HIP1: variants seen among roughly 807,000 people sequenced by gnomAD.
HIP1 encodes huntingtin-interacting protein 1.
Under a neutral mutation model 147.6 loss-of-function variants are expected in HIP1, and 65 were observed. That is an observed-to-expected ratio of 0.44 (90% CI 0.36 to 0.54). HIP1 has a LOEUF of 0.54. Ranked by LOEUF, HIP1 falls within the 20% of genes least tolerant of loss-of-function variation. HIP1 has a pLI of 0.00. For synonymous variants in HIP1, 479 were observed against 504.0 expected (o/e 0.95, Z 0.67); for missense variants, 1,061 against 1,299.6 (o/e 0.82, Z 2.82).
At chr7:75,647,892 T>C (rs1408603256) in intron 1 of HIP1, among the ~76,000 whole-genome samples, 1 of 152,200 alleles carries the variant, frequency 6.6e-6, no homozygotes, top group Non-Finnish European at 1.5e-5. Flanking sequence ...GTGTGAGGCG[T>C]GGTGTGAACC....
intron 1 of HIP1, among the ~76,000 whole-genome samples, chr7:75,677,460 GC>G (rs1488772402): frequency 6.6e-6 from 1 of 151,090 alleles, no homozygotes; most frequent in Non-Finnish European, 1.5e-5. Flanking sequence ...ACAAAAATTA[GC>G]TGGGCGTGGT....
At chr7:75,602,882 A>C (rs1030330157) in intron 1 of HIP1, among the ~76,000 whole-genome samples, 3 of 148,794 alleles carry the variant, frequency 2.0e-5, no homozygotes, top group African/African-American at 7.4e-5. Context: ...AGATGAGGTC[A>C]CACTGGAGTA....
At chr7:75,592,253 ACC>A in intron 3 of HIP1, 117 bp downstream of exon 3, 1 of 1,425,748 alleles carries the variant, frequency 7.0e-7, no homozygotes, top group Non-Finnish European at 9.7e-7. Context: ...CTAATGGGGA[ACC>A]CAAAGGCCAG....
At position 75,563,079 on chromosome 7, in the gene HIP1, A is replaced by AAG; in HGVS notation, c.880-6_880-5dup. 1.2e-6 allele frequency: 2 copies of AAG among 1,614,130 alleles called. No individual in the cohort carries two copies. Among genetic ancestry groups the AAG allele is most frequent in the Non-Finnish European group, 1.7e-6 (2 of 1,180,012 alleles). ...CTCGCAGGAAGTTGGGTGGGTTCTG[A>AAG]AGACGGAGACACATCCTCAAATAGT... is the stretch of plus-strand genomic sequence containing the variant. On this transcript the variant is annotated splice_region_variant and splice_polypyrimidine_tract_variant and intron_variant, in intron 10 of 30. Transcript: ENST00000336926.
intron 1 of HIP1, among the ~76,000 whole-genome samples, chr7:75,730,741 T>G (rs548758889): frequency 6.6e-6 from 1 of 151,486 alleles, no homozygotes; most frequent in East Asian, 2.0e-4. Context: ...GTAATTTTTT[T>G]TTTTTTTTTG....
chr7:75,636,816 G>A (rs1023376258), intron 1 of HIP1, among the ~76,000 whole-genome samples: 6 of 152,156 alleles, frequency 3.9e-5, no homozygotes, highest in South Asian at 2.1e-4. Flanking sequence ...CAGTGCTTAC[G>A]GGCCAGGGTC....
intron 8 of HIP1, among the ~76,000 whole-genome samples, chr7:75,569,706 C>G (rs1431852489): frequency 6.6e-6 from 1 of 152,112 alleles, no homozygotes; most frequent in African/African-American, 2.4e-5. Context: ...GAACCCTTAA[C>G]CCCAGTTAAA....
At chr7:75,609,181 C>G (rs1030477827) in intron 1 of HIP1, among the ~76,000 whole-genome samples, 2 of 152,168 alleles carry the variant, frequency 1.3e-5, no homozygotes, top group Non-Finnish European at 2.9e-5. Context: ...TCTGGGGGGG[C>G]TCACAAGAGC....
At chr7:75,717,789 G>C (rs1801368584) in intron 1 of HIP1, among the ~76,000 whole-genome samples, 1 of 151,788 alleles carries the variant, frequency 6.6e-6, no homozygotes, top group South Asian at 2.1e-4. Flanking sequence ...TCACCAACAT[G>C]GTGAAATCCT....
chr7:75,624,050 C>T (rs587768632), intron 1 of HIP1, among the ~76,000 whole-genome samples: 4 of 152,250 alleles, frequency 2.6e-5, no homozygotes, highest in South Asian at 4.2e-4. Context: ...CACTGCACTC[C>T]GGCCTGGGAG....
intron 8 of HIP1, among the ~76,000 whole-genome samples, chr7:75,572,679 G>A (rs1262658089): frequency 1.3e-5 from 2 of 152,164 alleles, no homozygotes; most frequent in Non-Finnish European, 2.9e-5. Flanking sequence ...GGCTGTAGCC[G>A]CCCAAGTTGT....
chr7:75,698,313 T>G (rs879997531), intron 1 of HIP1, among the ~76,000 whole-genome samples: 2 of 152,086 alleles, frequency 1.3e-5, no homozygotes, highest in Non-Finnish European at 2.9e-5. Flanking sequence ...TGCAACAAGT[T>G]TAGTAGGTAT....
chr7:75,565,437 T>C (rs1214142778), intron 9 of HIP1, among the ~76,000 whole-genome samples: 1 of 152,198 alleles, frequency 6.6e-6, no homozygotes, highest in Non-Finnish European at 1.5e-5. Context: ...GCCTGTCTCC[T>C]TGGACTAAAG....
intron 1 of HIP1, among the ~76,000 whole-genome samples, chr7:75,712,525 C>T (rs538200603): frequency 1.4e-4 from 21 of 152,264 alleles, no homozygotes; most frequent in African/African-American, 4.6e-4. Flanking sequence ...AACAGCTTGA[C>T]GAGGGGCAAC....
chr7:75,714,288 C>T (rs1554520381), intron 1 of HIP1, among the ~76,000 whole-genome samples: 1 of 151,866 alleles, frequency 6.6e-6, no homozygotes. Flanking sequence ...GATCCTCCCA[C>T]CTTGGCTCCC....
intron 1 of HIP1, among the ~76,000 whole-genome samples, chr7:75,672,380 G>A (rs1799751891): frequency 6.7e-6 from 1 of 149,990 alleles, no homozygotes; most frequent in Admixed American, 6.7e-5. Context: ...AGGCTGGAGT[G>A]CAGCAGTACC....
At position 75,630,941 on chromosome 7, in the gene HIP1, G is replaced by C. The variant is rs587701735; in HGVS notation, c.121-31694C>G. Among the ~76,000 whole-genome samples, 5 of 152,158 alleles carry C rather than the reference G, an allele frequency of 3.3e-5. No homozygotes were observed. The South Asian group carries it at 1.0e-3, about 32-fold the overall frequency. The stretch of plus-strand genomic sequence containing the variant: ...TTACTAAGCCCCTCCTATGTGCCAA[G>C]TACTGTATTTTGTATTTTATCTTAT... On this transcript the variant is annotated intron_variant, in intron 1 of 30. Coordinates refer to ENST00000336926, the MANE Select transcript of HIP1 (RefSeq NM_005338.7).
At chr7:75,587,823 G>T (rs926651914) in intron 4 of HIP1, among the ~76,000 whole-genome samples, 1 of 152,156 alleles carries the variant, frequency 6.6e-6, no homozygotes, top group Admixed American at 6.6e-5. Flanking sequence ...AATTAGCTGG[G>T]CATGGTGGTG....
chr7:75,581,896 A>G (rs782360474), intron 6 of HIP1, among the ~76,000 whole-genome samples, 179 bp downstream of exon 6: 39 of 152,192 alleles, frequency 2.6e-4, no homozygotes, highest in Non-Finnish European at 4.7e-4. Context: ...ATAGCCAGGC[A>G]GGGGTTCTGG....
Sources: gnomAD v4.1 joint callset for allele counts (sites outside exome capture counted in the v4.1 genomes callset) on GRCh38, gnomAD v4.1.1 for gene constraint, MANE v1.5 for transcripts, NCBI Gene and HGNC (gene_info 2026-07-23, HGNC 2026-07-21) for gene names.